Variants in ILRUN observed in about 807,000 individuals in gnomAD.
ILRUN encodes protein ILRUN.
In ILRUN, 3 loss-of-function variants were observed where a neutral mutation model predicts 33.8. The observed-to-expected ratio is 0.09, with a 90% CI of 0.04 to 0.23. ILRUN has a LOEUF of 0.23. Ranked by LOEUF, ILRUN falls within the 10% of genes least tolerant of loss-of-function variation. ILRUN has a pLI of 1.00. For synonymous variants in ILRUN, 124 were observed against 138.9 expected (o/e 0.89, Z 0.75); for missense variants, 210 against 375.1 (o/e 0.56, Z 3.64).
chr6:34,631,382 C>T (rs1762241632), intron 3 of ILRUN, among the ~76,000 whole-genome samples: 2 of 151,514 alleles, frequency 1.3e-5, no homozygotes. Flanking sequence ...GGCTGGAGGG[C>T]AGTGGCGCGA....
Position 34,654,796 on chromosome 6 carries a change from A to C in ILRUN, c.159-17T>G. On this transcript the variant is annotated splice_polypyrimidine_tract_variant and intron_variant, in intron 1 of 4. Coordinates refer to ENST00000374023, the MANE Select transcript of ILRUN (RefSeq NM_024294.4). Reference sequence around the variant, plus strand: ...TGTAGGTTCCTATAGAAAAAGAGAAAAGGCAACAGACTTCAGTACTGTCCA... The same window carrying C: ...TGTAGGTTCCTATAGAAAAAGAGAACAGGCAACAGACTTCAGTACTGTCCA... The C allele has an allele frequency of 6.2e-7, 1 of 1,610,684 alleles. No individual in the cohort carries two copies. The highest frequency in any genetic ancestry group is 2.2e-5 in the East Asian group (1 of 44,846).
At chr6:34,681,845 A>ATTT (rs1168522578) in intron 1 of ILRUN, among the ~76,000 whole-genome samples, 80 of 85,394 alleles carry the variant, frequency 9.4e-4, no homozygotes, top group East Asian at 2.4e-3. Flanking sequence ...CCACCACTAC[A>ATTT]TTTTTTTTTT....
At chr6:34,637,174 G>A (rs1419503575) in intron 3 of ILRUN, among the ~76,000 whole-genome samples, 1 of 152,096 alleles carries the variant, frequency 6.6e-6, no homozygotes, top group Non-Finnish European at 1.5e-5. Flanking sequence ...TACTCTGACA[G>A]GGCTATATTC....
At chr6:34,654,237 G>C (rs1280428242) in intron 2 of ILRUN, among the ~76,000 whole-genome samples, 1 of 151,672 alleles carries the variant, frequency 6.6e-6, no homozygotes, top group Non-Finnish European at 1.5e-5. Flanking sequence ...TCTATTCAAG[G>C]ATACACCTCC....
intron 1 of ILRUN, among the ~76,000 whole-genome samples, chr6:34,694,746 A>T (rs1763721244): frequency 6.6e-6 from 1 of 151,974 alleles, no homozygotes; most frequent in African/African-American, 2.4e-5. Flanking sequence ...CCCATCAAAG[A>T]TGATGCACAG....
chr6:34,694,679 T>C (rs1388002172), intron 1 of ILRUN, among the ~76,000 whole-genome samples: 1 of 152,086 alleles, frequency 6.6e-6, no homozygotes, highest in African/African-American at 2.4e-5. Context: ...TCTAAACATC[T>C]AGAAATTTAA....
rs190157596 is a variant in ILRUN, at chr6:34,692,479, G to T, written c.158+3967C>A. 5.9e-5 allele frequency among the ~76,000 whole-genome samples: 9 copies of T among 152,268 alleles called. No homozygotes were observed. The East Asian group carries it at 1.7e-3, about 29-fold the overall frequency. On this transcript the variant is annotated intron_variant, in intron 1 of 4. Coordinates refer to ENST00000374023, the MANE Select transcript of ILRUN (RefSeq NM_024294.4). ...AACCTGTATTAGGACTATGTCAACA[G>T]TTGCCCAGTTAGAAATTAAATGATG... is the stretch of plus-strand genomic sequence containing the variant.
At chr6:34,625,480 A>G (rs766722239) in intron 3 of ILRUN, among the ~76,000 whole-genome samples, 69 of 152,190 alleles carry the variant, frequency 4.5e-4, no homozygotes, top group Non-Finnish European at 7.9e-4. Context: ...GAGTAGACAC[A>G]TGTTCTCTTG....
chr6:34,620,959 T>A (rs1165148090), intron 3 of ILRUN, among the ~76,000 whole-genome samples: 1 of 152,182 alleles, frequency 6.6e-6, no homozygotes, highest in Non-Finnish European at 1.5e-5. Context: ...ACAGTAACTG[T>A]TTTAAAATCC....
At position 34,646,562 on chromosome 6, in the gene ILRUN, T is replaced by C; in HGVS notation, c.511+39A>G. On this transcript the variant is annotated intron_variant, in intron 3 of 4. Transcript: ENST00000374023. This position sits in a 1 kb window ranked among gnomAD's most constrained non-coding sequence, Gnocchi z 4.9. Reference sequence around the variant, plus strand: ...ACTGGGGATGTTATAAGATGTTACCTTAGTTCCTTTACCCTGGGCTGCACA... The same window carrying C: ...ACTGGGGATGTTATAAGATGTTACCCTAGTTCCTTTACCCTGGGCTGCACA... 1 of 1,597,748 alleles carries C rather than the reference T, an allele frequency of 6.3e-7. No individual in the cohort carries two copies. Among genetic ancestry groups the C allele is most frequent in the Non-Finnish European group, 8.6e-7 (1 of 1,167,234 alleles).
intron 4 of ILRUN, among the ~76,000 whole-genome samples, chr6:34,593,326 C>G (rs1761334055): frequency 6.6e-6 from 1 of 152,230 alleles, no homozygotes; most frequent in African/African-American, 2.4e-5. Flanking sequence ...GTCCAAAGCT[C>G]TACACACTTC....
chr6:34,641,311 A>C (rs889731542), intron 3 of ILRUN, among the ~76,000 whole-genome samples: 1 of 151,944 alleles, frequency 6.6e-6, no homozygotes, highest in African/African-American at 2.4e-5. Context: ...ATGGAAGTTT[A>C]TTTTTTTCCA....
intron 4 of ILRUN, among the ~76,000 whole-genome samples, chr6:34,604,604 G>C (rs1328177999): frequency 1.3e-5 from 2 of 152,174 alleles, no homozygotes; most frequent in Non-Finnish European, 2.9e-5. Context: ...TTAGCCCAGG[G>C]CTGGCCCATT....
chr6:34,671,971 C>T (rs1322911401), intron 1 of ILRUN: 1 of 152,242 alleles, frequency 6.6e-6, no homozygotes, highest in African/African-American at 2.4e-5. Flanking sequence ...GCTTAACCCA[C>T]TAGTTAGGCC....
chr6:34,660,570 G>A (rs934151953), intron 1 of ILRUN, among the ~76,000 whole-genome samples: 3 of 152,006 alleles, frequency 2.0e-5, no homozygotes, highest in African/African-American at 7.2e-5. Context: ...AACCACAAGG[G>A]GTTTTCCTCA....
chr6:34,659,060 T>C lies in ILRUN; in HGVS notation c.159-4281A>G, dbSNP rs192626249. Among the ~76,000 whole-genome samples, 65 of 152,336 alleles carry C rather than the reference T, an allele frequency of 4.3e-4. No homozygotes were observed. In the East Asian group the frequency reaches 9.6e-3, roughly 23 times the overall value. ...GTGCCAGGCACCTGGCCTGGAGCATTAGGGATACAGCAAATTGCAAGACAG... is the reference window on the plus strand; with the variant it reads ...GTGCCAGGCACCTGGCCTGGAGCATCAGGGATACAGCAAATTGCAAGACAG... On this transcript the variant is annotated intron_variant, in intron 1 of 4. Transcript: ENST00000374023.
At chr6:34,679,061 A>ATACCTT (rs1763302165) in intron 1 of ILRUN, among the ~76,000 whole-genome samples, 1 of 151,720 alleles carries the variant, frequency 6.6e-6, no homozygotes, top group African/African-American at 2.4e-5. Context: ...CCTTGGCGAC[A>ATACCTT]ATCTGTATAC....
intron 1 of ILRUN, among the ~76,000 whole-genome samples, chr6:34,676,711 A>C (rs1488677133): frequency 6.6e-6 from 1 of 152,072 alleles, no homozygotes; most frequent in Non-Finnish European, 1.5e-5. Flanking sequence ...ACATATATAA[A>C]ATATAGCCAT....
intron 3 of ILRUN, among the ~76,000 whole-genome samples, chr6:34,630,573 G>A (rs1474636067): frequency 6.6e-6 from 1 of 152,250 alleles, no homozygotes; most frequent in South Asian, 2.1e-4. Context: ...TAATAGAGAT[G>A]GGGTTGCACC....
Sources: allele counts gnomAD v4.1 joint callset (sites outside exome capture counted in the v4.1 genomes callset), GRCh38; gene constraint gnomAD v4.1.1; non-coding constraint Gnocchi (gnomAD v3.1); transcripts MANE v1.5; gene names NCBI Gene and HGNC (gene_info 2026-07-23, HGNC 2026-07-21).